The following KMT5A variants were observed in gnomAD, a reference collection of about 807,000 sequenced individuals.
The protein encoded by KMT5A is lysine methyltransferase 5A.
A neutral mutation model predicts 40.6 loss-of-function variants in KMT5A; 6 were observed. The observed-to-expected ratio is 0.15, with a 90% confidence interval of 0.08 to 0.29. The LOEUF is 0.29. Ranked by LOEUF, KMT5A falls within the 10% of genes least tolerant of loss-of-function variation. KMT5A has a pLI of 1.00. For synonymous variants in KMT5A, 153 were observed against 178.8 expected (o/e 0.86, Z 1.15); for missense variants, 308 against 459.1 (o/e 0.67, Z 3.01).
chr12:123,386,857 C>G (rs530228647), intron 1 of KMT5A, among the ~76,000 whole-genome samples: 63 of 151,898 alleles, frequency 4.1e-4, no homozygotes, highest in Non-Finnish European at 6.6e-4. Flanking sequence ...AAAATACAGA[C>G]TTTTCTTTTT....
chr12:123,394,104 C>CTTTTTTTTTTTTTTT (rs397711320), intron 3 of KMT5A, among the ~76,000 whole-genome samples: 12 of 125,060 alleles, frequency 9.6e-5, no homozygotes, highest in Non-Finnish European at 1.4e-4. Flanking sequence ...ATTTTTTTTT[C>CTTTTTTTTTTTTTTT]TTTTTTTTTT....
intron 2 of KMT5A, chr12:123,390,202 C>T (rs1877193235): frequency 6.6e-6 from 3 of 456,832 alleles, no homozygotes; most frequent in African/African-American, 4.0e-5. Flanking sequence ...GCCCTCCAGC[C>T]GCCCTCAGCA....
At chr12:123,389,624 C>G (rs1877124819) in intron 2 of KMT5A, 70 bp downstream of exon 2, 1 of 1,022,492 alleles carries the variant, frequency 9.8e-7, no homozygotes, top group Non-Finnish European at 1.2e-6. Flanking sequence ...CATGGGCGAC[C>G]CCGGGTACCC....
intron 5 of KMT5A, among the ~76,000 whole-genome samples, chr12:123,397,903 C>T (rs1344782736): frequency 6.6e-6 from 1 of 151,306 alleles, no homozygotes; most frequent in Non-Finnish European, 1.5e-5. Context: ...GAACTCTCGA[C>T]CTCGGGTGAT....
At chr12:123,388,838 G>A (rs1877027590) in intron 1 of KMT5A, 1 of 149,958 alleles carries the variant, frequency 6.7e-6, no homozygotes, top group African/African-American at 2.4e-5. Context: ...CGCGAGAGGG[G>A]GCGCGCCCGA....
chr12:123,403,313 TG>T (rs1878316211), intron 5 of KMT5A, among the ~76,000 whole-genome samples: 2 of 152,374 alleles, frequency 1.3e-5, no homozygotes, highest in African/African-American at 4.8e-5. Flanking sequence ...AGCCCCATTC[TG>T]TTCTTGGGTC....
At chr12:123,398,430 G>T (rs28546238) in intron 5 of KMT5A, among the ~76,000 whole-genome samples, 2 of 152,142 alleles carry the variant, frequency 1.3e-5, no homozygotes, top group Non-Finnish European at 2.9e-5. Flanking sequence ...ACTTTAGGGT[G>T]GGGGGAGCCG....
intron 3 of KMT5A, among the ~76,000 whole-genome samples, chr12:123,392,322 G>A (rs1052966295): frequency 1.3e-5 from 2 of 152,160 alleles, no homozygotes; most frequent in Non-Finnish European, 2.9e-5. Context: ...ATACAAGCTA[G>A]TATATTTGGC....
At chr12:123,391,216 C>T (rs572615632) in intron 3 of KMT5A, 46 of 159,662 alleles carry the variant, frequency 2.9e-4, no homozygotes, top group Non-Finnish European at 5.0e-4. Context: ...TTTTTTGAGA[C>T]GGATTTCCGC....
At position 123,407,936 on chromosome 12, in the gene KMT5A, T is replaced by C. The variant is rs1008237914; in HGVS notation, c.*233T>C. 4 of 514,904 alleles carry C rather than the reference T, an allele frequency of 7.8e-6. No individual in the cohort carries two copies. Among genetic ancestry groups the C allele is most frequent in the Non-Finnish European group, 1.4e-5 (4 of 289,656 alleles). 31.9% of individuals were successfully genotyped at this position (514,904 alleles called of 1,614,324 possible). On this transcript the variant is annotated 3_prime_UTR_variant, in exon 8 of 8. Transcript: ENST00000402868. ...TACCAAAACTTTTATATTCTAGTTG[T>C]TTTTGTACTTTTTTTGCATACAAGC...
In KMT5A at chr12:123,387,416, C is replaced by G. The variant is rs556009422; in HGVS notation, c.11-2017C>G. Among the ~76,000 whole-genome samples, 6 of 152,286 alleles carry G rather than the reference C, an allele frequency of 3.9e-5. No homozygotes were observed. The East Asian group carries it at 9.6e-4, about 24-fold the overall frequency. On this transcript the variant is annotated intron_variant, in intron 1 of 7. Transcript: ENST00000402868. Reference sequence around the variant, plus strand: ...TATGTGGGTGCTTCCTGCTCCAAAACCATGATTCTCATGGCAGTTAAGCTG... The same window carrying G: ...TATGTGGGTGCTTCCTGCTCCAAAAGCATGATTCTCATGGCAGTTAAGCTG...
At chr12:123,407,018 CAAAAAAAAAA>C (rs56732264) in intron 7 of KMT5A, among the ~76,000 whole-genome samples, 2 of 28,504 alleles carry the variant, frequency 7.0e-5, no homozygotes, top group African/African-American at 1.5e-4. Flanking sequence ...GACTCCCTCT[CAAAAAAAAAA>C]AAAAAAAAAA....
chr12:123,390,942 T>C (rs1442451202), intron 3 of KMT5A, 156 bp downstream of exon 3: 2 of 843,710 alleles, frequency 2.4e-6, no homozygotes. Context: ...AAGAATGGCT[T>C]GTCCCAGGGT....
intron 6 of KMT5A, 27 bp from the exon 7 acceptor site, chr12:123,404,857 C>A: frequency 6.3e-7 from 1 of 1,599,002 alleles, no homozygotes; most frequent in Non-Finnish European, 8.5e-7. Flanking sequence ...CTATTATGAA[C>A]CAACACCCTC....
At chr12:123,404,813 C>T (rs558751500) in intron 6 of KMT5A, 71 bp from the exon 7 acceptor site, 2 of 1,478,460 alleles carry the variant, frequency 1.4e-6, no homozygotes, top group South Asian at 2.6e-5. Flanking sequence ...GCCCCAGCTC[C>T]CCGGAGACCT....
intron 5 of KMT5A, among the ~76,000 whole-genome samples, chr12:123,397,864 G>C (rs1175317795): frequency 6.6e-6 from 1 of 151,224 alleles, no homozygotes; most frequent in Non-Finnish European, 1.5e-5. Flanking sequence ...GTGGAGATTG[G>C]ATTTGTCCAT....
chr12:123,407,760 C>T lies in KMT5A; in HGVS notation c.*57C>T. ...TTCCCTTCTTCAAAGGACAAAGTGC[C>T]CTCAAAGGGAATTGAATTTTTTTTT... On this transcript the variant is annotated 3_prime_UTR_variant, in exon 8 of 8. Coordinates refer to ENST00000402868, the MANE Select transcript of KMT5A (RefSeq NM_020382.7). 1 of 1,381,322 alleles carries T rather than the reference C, an allele frequency of 7.2e-7. No homozygotes were observed. The highest frequency in any genetic ancestry group is 2.5e-5 in the East Asian group (1 of 40,768). The allele number at this position is 1,381,322 out of a possible 1,614,324, so 85.6% of individuals were successfully genotyped here.
chr12:123,401,485 G>A (rs898197148), intron 5 of KMT5A, among the ~76,000 whole-genome samples: 1 of 151,664 alleles, frequency 6.6e-6, no homozygotes, highest in South Asian at 2.1e-4. Context: ...TCTTTTAAGT[G>A]GAACATTTTA....
chr12:123,388,555 T>C (rs891502751), intron 1 of KMT5A: 9 of 151,970 alleles, frequency 5.9e-5, no homozygotes, highest in East Asian at 5.9e-4. Context: ...AGTGTCACCA[T>C]TGTAAGCTGG....
Sources: allele counts gnomAD v4.1 joint callset (sites outside exome capture counted in the v4.1 genomes callset), GRCh38; gene constraint gnomAD v4.1.1; transcripts MANE v1.5; gene names NCBI Gene and HGNC (gene_info 2026-07-23, HGNC 2026-07-21).